GRIK2: variants seen among roughly 807,000 people sequenced by gnomAD.
GRIK2 encodes glutamate ionotropic receptor kainate type subunit 2.
A neutral mutation model predicts 100.3 loss-of-function variants in GRIK2; 32 were observed. The observed-to-expected ratio is 0.32, with a 90% confidence interval of 0.24 to 0.43. GRIK2 has a LOEUF of 0.43. Ranked by LOEUF, GRIK2 falls within the 20% of genes least tolerant of loss-of-function variation. GRIK2 has a pLI of 1.00. For synonymous variants in GRIK2, 417 were observed against 389.4 expected (o/e 1.07, Z -0.83); for missense variants, 843 against 1,114.9 (o/e 0.76, Z 3.47).
chr6:101,771,374 T>C (rs919287238), intron 7 of GRIK2, among the ~76,000 whole-genome samples: 6 of 151,956 alleles, frequency 3.9e-5, no homozygotes, highest in African/African-American at 9.7e-5. Flanking sequence ...CAATTTATCC[T>C]TTTAGACAAA....
intron 15 of GRIK2, among the ~76,000 whole-genome samples, chr6:102,048,232 G>A (rs1210955862): frequency 2.0e-5 from 3 of 151,724 alleles, no homozygotes; most frequent in East Asian, 1.9e-4. Flanking sequence ...AGAATTAAAA[G>A]TAAGGTCAGA....
chr6:101,532,055 A>G (rs576894446), intron 2 of GRIK2, among the ~76,000 whole-genome samples: 28 of 151,958 alleles, frequency 1.8e-4, no homozygotes, highest in Middle Eastern at 3.4e-3. Flanking sequence ...AAATGCTGCA[A>G]AGACTCTCAA....
chr6:101,812,735 A>G (rs904373787), intron 9 of GRIK2, among the ~76,000 whole-genome samples: 1 of 152,028 alleles, frequency 6.6e-6, no homozygotes, highest in African/African-American at 2.4e-5. Flanking sequence ...ATTGCTGTGT[A>G]TGGAAGCGTA....
At chr6:101,597,467 A>C (rs1447194158) in intron 2 of GRIK2, among the ~76,000 whole-genome samples, 14 of 151,794 alleles carry the variant, frequency 9.2e-5, no homozygotes, top group Admixed American at 9.2e-4. Flanking sequence ...TATACTGAAA[A>C]GACAGGGTTT....
At chr6:101,973,294 A>C (rs1793170965) in intron 14 of GRIK2, among the ~76,000 whole-genome samples, 1 of 152,060 alleles carries the variant, frequency 6.6e-6, no homozygotes, top group South Asian at 2.1e-4. Flanking sequence ...ACTTGAAGTA[A>C]TGTTTCTAAA....
rs537390519 is a variant in GRIK2 at position 101,641,110 on chromosome 6, C to A, written c.541+14473C>A. On this transcript the variant is annotated intron_variant, in intron 4 of 16. Coordinates refer to ENST00000369134, the MANE Select transcript of GRIK2 (RefSeq NM_021956.5). Reference sequence around the variant, plus strand: ...TTTAATATGAAGGAAGAACAGTCCCCTGTAAATACAGTAAAAATTGTGAAG... The same window carrying A: ...TTTAATATGAAGGAAGAACAGTCCCATGTAAATACAGTAAAAATTGTGAAG... Among the ~76,000 whole-genome samples, 5 of 152,010 alleles carry A rather than the reference C, an allele frequency of 3.3e-5. No homozygotes were observed. In the South Asian group the frequency reaches 1.0e-3, roughly 32 times the overall value.
At chr6:101,612,891 G>A (rs1432218341) in intron 2 of GRIK2, among the ~76,000 whole-genome samples, 2 of 151,518 alleles carry the variant, frequency 1.3e-5, no homozygotes, top group African/African-American at 4.8e-5. Flanking sequence ...GGAAGTGGGA[G>A]TGGTAAGAAA....
intron 4 of GRIK2, among the ~76,000 whole-genome samples, chr6:101,662,443 T>G (rs1769697968): frequency 6.6e-6 from 1 of 152,156 alleles, no homozygotes; most frequent in African/African-American, 2.4e-5. Context: ...ATTTTTTAGC[T>G]TAATCCTGAA....
At chr6:101,917,728 C>T (rs903531786) in intron 12 of GRIK2, among the ~76,000 whole-genome samples, 1 of 150,972 alleles carries the variant, frequency 6.6e-6, no homozygotes, top group Non-Finnish European at 1.5e-5. Flanking sequence ...ATTCTTTTTT[C>T]CCCACAAATA....
chr6:101,783,081 A>G (rs1294053618), intron 7 of GRIK2, among the ~76,000 whole-genome samples: 1 of 151,850 alleles, frequency 6.6e-6, no homozygotes, highest in Non-Finnish European at 1.5e-5. Context: ...GATGGTCTCG[A>G]TCTCCTGACC....
chr6:101,449,294 T>C (rs947006925), intron 2 of GRIK2, among the ~76,000 whole-genome samples: 2 of 151,724 alleles, frequency 1.3e-5, no homozygotes, highest in African/African-American at 4.8e-5. Context: ...TCTTATTTCA[T>C]ATTATTCTGA....
At chr6:101,923,881 G>T (rs1459103971) in intron 12 of GRIK2, among the ~76,000 whole-genome samples, 1 of 143,212 alleles carries the variant, frequency 7.0e-6, no homozygotes, top group African/African-American at 2.6e-5. Flanking sequence ...AGATTGTGCC[G>T]CTGCACTCAC....
intron 11 of GRIK2, among the ~76,000 whole-genome samples, chr6:101,860,723 T>C (rs9485549): frequency 0.12 from 18,232 of 152,106 alleles, 2,077 homozygotes; most frequent in East Asian, 0.52. Flanking sequence ...AAGGGCTGTC[T>C]TCTTTAGGGA....
At chr6:101,759,884 T>TA (rs57510275) in intron 7 of GRIK2, among the ~76,000 whole-genome samples, 30,131 of 128,894 alleles carry the variant, frequency 0.23, 4,929 homozygotes, top group East Asian at 0.69. Context: ...TTTATTTTTA[T>TA]TTTTTTTTGA....
At chr6:101,611,106 C>T (rs1032143283) in intron 2 of GRIK2, among the ~76,000 whole-genome samples, 8 of 151,708 alleles carry the variant, frequency 5.3e-5, no homozygotes, top group South Asian at 2.1e-4. Flanking sequence ...AAAGAAAAAT[C>T]AACACTTATT....
intron 7 of GRIK2, among the ~76,000 whole-genome samples, chr6:101,760,958 T>C (rs553636356): frequency 6.6e-6 from 1 of 151,904 alleles, no homozygotes; most frequent in Admixed American, 6.6e-5. Flanking sequence ...ACATGTTAAA[T>C]AGTAATAAGA....
chr6:101,748,750 C>A (rs1776602860), intron 7 of GRIK2, among the ~76,000 whole-genome samples: 1 of 151,996 alleles, frequency 6.6e-6, no homozygotes, highest in Admixed American at 6.6e-5. Flanking sequence ...GACTATCACT[C>A]AAAATATATG....
rs1774778721 is a variant in GRIK2 at position 101,725,237 on chromosome 6, GTTGGATT to G, written c.951+38886_951+38892del. 2.6e-5 allele frequency among the ~76,000 whole-genome samples: 4 copies of G among 152,134 alleles called. No individual in the cohort carries two copies. In the South Asian group the frequency reaches 8.3e-4, roughly 32 times the overall value. On this transcript the variant is annotated intron_variant, in intron 7 of 16. Transcript: ENST00000369134. Reference sequence around the variant, plus strand: ...TAGTTCTTGTACCTTTTACCAAAAAGTTGGATTTCCCAAGAGCAACACCATTGGGAAA... The same window carrying G: ...TAGTTCTTGTACCTTTTACCAAAAAGTCCCAAGAGCAACACCATTGGGAAA...
At chr6:101,898,846 G>C (rs1476244140) in intron 12 of GRIK2, among the ~76,000 whole-genome samples, 3 of 151,842 alleles carry the variant, frequency 2.0e-5, no homozygotes, top group Non-Finnish European at 4.4e-5. Flanking sequence ...ATAATGTACA[G>C]ACAAAATTTT....
Sources: allele counts gnomAD v4.1 joint callset (sites outside exome capture counted in the v4.1 genomes callset), GRCh38; gene constraint gnomAD v4.1.1; transcripts MANE v1.5; gene names NCBI Gene and HGNC (gene_info 2026-07-23, HGNC 2026-07-21).